Variants in GPR137C observed in about 807,000 individuals in gnomAD.
GPR137C encodes integral membrane protein GPR137C.
GPR137C carries 27 observed loss-of-function variants against 43.4 expected under a neutral mutation model. That is an observed-to-expected ratio of 0.62 (90% CI 0.46 to 0.86). GPR137C has a LOEUF of 0.86. Ranked by LOEUF, GPR137C falls within the 40% of genes least tolerant of loss-of-function variation. GPR137C has a pLI of 0.00. For missense variants in GPR137C, 522 were observed against 534.6 expected (o/e 0.98, Z 0.23); for synonymous variants, 285 against 226.9 (o/e 1.26, Z -2.30).
intron 1 of GPR137C, among the ~76,000 whole-genome samples, chr14:52,580,510 C>T (rs905641006): frequency 6.6e-5 from 10 of 151,986 alleles, no homozygotes; most frequent in Non-Finnish European, 5.9e-5. Context: ...TGGAGGTGTG[C>T]ACCACCACAC....
chr14:52,578,899 G>A (rs374918620), intron 1 of GPR137C, among the ~76,000 whole-genome samples: 3 of 151,702 alleles, frequency 2.0e-5, no homozygotes, highest in African/African-American at 4.8e-5. Flanking sequence ...AGCTGAGATC[G>A]TGCCACTGCA....
At position 52,632,160 on chromosome 14, in the gene GPR137C, G is replaced by A. The variant is rs768459890; in HGVS notation, c.718G>A (p.Gly240Ser). ...AGATGATGATTTTTATTTGTTTTAG[G>A]GTATGTCTCTGTGCCAGACTGTCGT... Reference protein sequence around the residue: ...SSANVYLESKGMSLCQTVVVG... With the variant: ...SSANVYLESKSMSLCQTVVVG... Residue 240 changes from glycine to serine, a missense_variant and splice_region_variant, in exon 4 of 7, where the codon GGT becomes AGT. Gly to Ser is a moderately conservative substitution (Grantham distance 56). Around this residue, in one of 3 missense-constraint regions of GPR137C, gnomAD observed 437 missense variants for 425.7 expected, o/e 1.03. Transcript: ENST00000321662. 4 of 1,596,252 alleles carry A rather than the reference G, an allele frequency of 2.5e-6. No individual in the cohort carries two copies. The highest frequency in any genetic ancestry group is 2.2e-5 in the South Asian group (2 of 90,252).
chr14:52,632,134 A>G, intron 3 of GPR137C, 26 bp from the exon 4 acceptor site: 1 of 1,562,054 alleles, frequency 6.4e-7, no homozygotes, highest in Non-Finnish European at 8.8e-7. Flanking sequence ...TAGAATACTA[A>G]AGATGATGAT....
In GPR137C at chr14:52,636,407, T is replaced by C. The variant is rs977026992; in HGVS notation, c.*1292T>C. ...CAGTGTCTATATGGAAAGAAGTAGA[T>C]GCTGAATACCTCAAGATGCCAAGGG... On this transcript the variant is annotated 3_prime_UTR_variant, in exon 7 of 7. Coordinates refer to ENST00000321662, the MANE Select transcript of GPR137C (RefSeq NM_001099652.2). 3 of 152,114 alleles carry C rather than the reference T, an allele frequency of 2.0e-5. No homozygotes were observed. Among genetic ancestry groups the C allele is most frequent in the African/African-American group, 7.2e-5 (3 of 41,452 alleles). 9.4% of individuals were successfully genotyped at this position (152,114 alleles called of 1,614,324 possible).
intron 1 of GPR137C, among the ~76,000 whole-genome samples, chr14:52,571,514 A>C (rs2038468452): frequency 6.6e-6 from 1 of 152,114 alleles, no homozygotes; most frequent in Non-Finnish European, 1.5e-5. Context: ...CTCTACTAAA[A>C]ATATAAACAA....
chr14:52,605,532 C>T (rs1165958396), intron 3 of GPR137C, among the ~76,000 whole-genome samples: 1 of 152,070 alleles, frequency 6.6e-6, no homozygotes, highest in Admixed American at 6.6e-5. Context: ...TCTGGATGCC[C>T]TTTATTTCTT....
At chr14:52,599,040 T>C (rs1026725770) in intron 2 of GPR137C, among the ~76,000 whole-genome samples, 3 of 152,208 alleles carry the variant, frequency 2.0e-5, no homozygotes, top group African/African-American at 7.2e-5. Context: ...ATTTCCACTA[T>C]TGAAATGACC....
intron 1 of GPR137C, among the ~76,000 whole-genome samples, chr14:52,564,296 C>G (rs1189394810): frequency 6.8e-6 from 1 of 147,050 alleles, no homozygotes; most frequent in African/African-American, 2.7e-5. Flanking sequence ...AAAAAAAGCC[C>G]CACTCCTAGA....
chr14:52,635,181 T>C lies in GPR137C; in HGVS notation c.*66T>C, dbSNP rs774252808. On this transcript the variant is annotated 3_prime_UTR_variant, in exon 7 of 7. Transcript: ENST00000321662. The stretch of plus-strand genomic sequence containing the variant: ...ATGTGTATATTCAATGTGTTTAAAT[T>C]CCATCTACATAAACATTCCATTATC... 1.6e-6 allele frequency: 2 copies of C among 1,269,838 alleles called. No homozygotes were observed. The highest frequency in any genetic ancestry group is 2.1e-6 in the Non-Finnish European group (2 of 936,936). The allele number at this position is 1,269,838 out of a possible 1,614,324, so 78.7% of individuals were successfully genotyped here. A position where few individuals can be genotyped will look rare whatever the true frequency, so the allele number is the denominator to read the frequency against.
At chr14:52,624,106 T>G (rs1415287738) in intron 3 of GPR137C, among the ~76,000 whole-genome samples, 6 of 151,476 alleles carry the variant, frequency 4.0e-5, no homozygotes, top group Non-Finnish European at 7.4e-5. Context: ...TAATTAAATT[T>G]TTTTAAGTTT....
intron 1 of GPR137C, among the ~76,000 whole-genome samples, chr14:52,556,847 A>G (rs75699608): frequency 0.09 from 13,648 of 152,092 alleles, 674 homozygotes; most frequent in East Asian, 0.15. Context: ...GCATGCCAAA[A>G]TCAATGAGTT....
intron 1 of GPR137C, among the ~76,000 whole-genome samples, chr14:52,572,967 T>C (rs927804035): frequency 2.6e-5 from 4 of 151,378 alleles, no homozygotes; most frequent in African/African-American, 9.7e-5. Context: ...AGAACTCCCA[T>C]GTATAATTGC....
At chr14:52,617,307 C>G (rs2039110213) in intron 3 of GPR137C, among the ~76,000 whole-genome samples, 1 of 152,008 alleles carries the variant, frequency 6.6e-6, no homozygotes, top group Admixed American at 6.6e-5. Context: ...ATCAAATATA[C>G]TTTATATTTC....
At chr14:52,570,859 A>G (rs1040255672) in intron 1 of GPR137C, among the ~76,000 whole-genome samples, 2 of 152,196 alleles carry the variant, frequency 1.3e-5, no homozygotes, top group African/African-American at 4.8e-5. Context: ...GAGACCTACA[A>G]AGAGACTTAG....
chr14:52,568,171 G>A (rs766000856), intron 1 of GPR137C, among the ~76,000 whole-genome samples: 4 of 152,090 alleles, frequency 2.6e-5, no homozygotes, highest in Admixed American at 1.3e-4. Flanking sequence ...AAGCAGGGTG[G>A]GGCGTCACCT....
chr14:52,593,300 G>A (rs2038807711), intron 1 of GPR137C, among the ~76,000 whole-genome samples: 3 of 151,912 alleles, frequency 2.0e-5, no homozygotes, highest in African/African-American at 7.3e-5. Context: ...TTCCTTTTTT[G>A]TTGTGTCTCT....
intron 1 of GPR137C, among the ~76,000 whole-genome samples, chr14:52,589,935 TTA>T (rs2038760415): frequency 6.6e-6 from 1 of 152,150 alleles, no homozygotes; most frequent in South Asian, 2.1e-4. Context: ...TAATAAATGA[TTA>T]TGTTACTGGT....
chr14:52,553,417 C>G lies in GPR137C; in HGVS notation c.270C>G (p.Leu90=). The change falls in exon 1 of 7, where the codon CTC becomes CTG. Residue 90 remains leucine, a synonymous_variant. Transcript: ENST00000321662. The part of the protein sequence containing the change: ...SYQSLCLFLC[L]LWAALRTTLF... Reference sequence around the variant, plus strand: ...AGAGCCTCTGCCTCTTCCTCTGTCTCCTGTGGGCAGCGCTCAGGACCACCC... The same window carrying G: ...AGAGCCTCTGCCTCTTCCTCTGTCTGCTGTGGGCAGCGCTCAGGACCACCC... 6.2e-7 allele frequency: 1 copy of G among 1,608,904 alleles called. No individual in the cohort carries two copies. Among genetic ancestry groups the G allele is most frequent in the Non-Finnish European group, 8.5e-7 (1 of 1,179,796 alleles).
At chr14:52,632,565 G>A (rs1040583219) in intron 4 of GPR137C, among the ~76,000 whole-genome samples, 3 of 151,778 alleles carry the variant, frequency 2.0e-5, no homozygotes, top group East Asian at 1.9e-4. Context: ...CAAGCCTCTC[G>A]GTCATATGCT....
Sources: gnomAD v4.1 joint callset for allele counts (sites outside exome capture counted in the v4.1 genomes callset) on GRCh38, gnomAD v4.1.1 for gene constraint, gnomAD v4.1.1 regional missense constraint, MANE v1.5 for transcripts, NCBI Gene and HGNC (gene_info 2026-07-23, HGNC 2026-07-21) for gene names.